Variants in FBXL13 observed in about 807,000 individuals in gnomAD.
FBXL13 encodes the protein F-box and leucine rich repeat protein 13, also known as F-box and leucine-rich repeat protein 13.
In FBXL13, 67 loss-of-function variants were observed where a neutral mutation model predicts 83.6. That is an observed-to-expected ratio of 0.80 (90% CI 0.66 to 0.98). The LOEUF (loss-of-function observed/expected upper bound fraction) is 0.98. FBXL13 is among the 50% of genes least tolerant of loss of function. FBXL13 has a pLI of 0.00. For missense variants in FBXL13, 822 were observed against 866.5 expected (o/e 0.95, Z 0.64); for synonymous variants, 272 against 299.5 (o/e 0.91, Z 0.95).
At chr7:102,945,966 A>G (rs536979665) in intron 8 of FBXL13, among the ~76,000 whole-genome samples, 8 of 151,874 alleles carry the variant, frequency 5.3e-5, no homozygotes, top group Admixed American at 3.9e-4. Flanking sequence ...GCTGCAACCT[A>G]CGCCTTCCGG....
chr7:102,880,757 T>C (rs906506204), intron 14 of FBXL13, among the ~76,000 whole-genome samples: 3 of 152,168 alleles, frequency 2.0e-5, no homozygotes, highest in African/African-American at 7.2e-5. Context: ...CTGAGAAGCT[T>C]TGTGCTAACT....
chr7:102,832,761 C>A, intron 18 of FBXL13, 79 bp downstream of exon 19: 3 of 1,556,022 alleles, frequency 1.9e-6, no homozygotes, highest in South Asian at 2.4e-5. Flanking sequence ...TATTCTGAGT[C>A]CAGCCCTGAT....
rs187769851 is a variant in FBXL13 at position 102,978,020 on chromosome 7, C to A, written c.496-9903G>T. ...TTAAATGACGAATTAATGGGTGCGG[C>A]ACACCAACATGGCACATGTGGCACA... On this transcript the variant is annotated intron_variant, in intron 6 of 19. Transcript: ENST00000313221. 5.3e-5 allele frequency among the ~76,000 whole-genome samples: 8 copies of A among 152,160 alleles called. No homozygotes were observed. In the East Asian group the frequency reaches 1.6e-3, roughly 29 times the overall value.
chr7:103,033,073 A>C (rs1794675066), intron 2 of FBXL13, among the ~76,000 whole-genome samples: 1 of 152,122 alleles, frequency 6.6e-6, no homozygotes, highest in South Asian at 2.1e-4. Context: ...CCCCCCATAC[A>C]CACACACATA....
downstream of FBXL13, among the ~76,000 whole-genome samples, chr7:102,812,902 A>G (rs1797522314): frequency 7.1e-6 from 1 of 141,546 alleles, no homozygotes; most frequent in Admixed American, 7.4e-5. Context: ...GAATGCAGTG[A>G]CGTGATCTAG....
At chr7:102,849,600 C>A (rs902656764) in intron 17 of FBXL13, among the ~76,000 whole-genome samples, 8 of 152,220 alleles carry the variant, frequency 5.3e-5, no homozygotes, top group African/African-American at 1.4e-4. Context: ...CTAAACATCT[C>A]AATTTACTCA....
At chr7:103,073,165 C>G (rs1167560482) in intron 1 of FBXL13, among the ~76,000 whole-genome samples, 2 of 152,200 alleles carry the variant, frequency 1.3e-5, no homozygotes, top group Non-Finnish European at 2.9e-5. Flanking sequence ...CTGTTATTAA[C>G]AGTTTGGCAT....
At chr7:102,856,554 C>T (rs377571934) in intron 16 of FBXL13, among the ~76,000 whole-genome samples, 7 of 152,248 alleles carry the variant, frequency 4.6e-5, no homozygotes, top group Admixed American at 2.6e-4. Flanking sequence ...TATATGCTTA[C>T]TACTTTATTC....
At chr7:103,028,294 C>T (rs1022736603) in intron 4 of FBXL13, among the ~76,000 whole-genome samples, 2 of 152,154 alleles carry the variant, frequency 1.3e-5, no homozygotes, top group African/African-American at 4.8e-5. Flanking sequence ...CCTGTCCATA[C>T]TATTTGGAAC....
Position 102,891,338 on chromosome 7 carries a change from G to C in FBXL13, c.1009-7026C>G, listed in dbSNP as rs562565788. 6.6e-5 allele frequency among the ~76,000 whole-genome samples: 10 copies of C among 152,318 alleles called. No individual in the cohort carries two copies. In the East Asian group the frequency reaches 1.9e-3, roughly 29 times the overall value. ...TAGTCCTCCCTGATCACCTCAGGTA[G>C]ACATGTTTCTAACTCTTACATCTGA... On this transcript the variant is annotated intron_variant, in intron 11 of 19. Transcript: ENST00000313221.
At chr7:102,913,545 G>C (rs1815193943) in intron 10 of FBXL13, among the ~76,000 whole-genome samples, 1 of 152,176 alleles carries the variant, frequency 6.6e-6, no homozygotes, top group South Asian at 2.1e-4. Context: ...TTGTTTGGAA[G>C]TGAAACCAAA....
chr7:103,028,044 G>T (rs1390997289), intron 4 of FBXL13, among the ~76,000 whole-genome samples: 1 of 152,108 alleles, frequency 6.6e-6, no homozygotes. Context: ...TCTCTGGTTT[G>T]CAACAGTCAT....
At chr7:103,011,498 G>T (rs1791616814) in intron 6 of FBXL13, among the ~76,000 whole-genome samples, 1 of 152,210 alleles carries the variant, frequency 6.6e-6, no homozygotes, top group East Asian at 1.9e-4. Context: ...AATTAGCCAG[G>T]TGTGGTGGCA....
intron 6 of FBXL13, among the ~76,000 whole-genome samples, chr7:103,006,298 C>T (rs1460530521): frequency 1.3e-5 from 2 of 152,098 alleles, no homozygotes; most frequent in African/African-American, 2.4e-5. Flanking sequence ...AGTCTTTGAC[C>T]GTATTCTAAG....
At chr7:102,851,567 CTCTCTT>C (rs980425405) in intron 17 of FBXL13, among the ~76,000 whole-genome samples, 17 of 147,392 alleles carry the variant, frequency 1.2e-4, no homozygotes, top group African/African-American at 4.3e-4. Flanking sequence ...CTCTCTCTCT[CTCTCTT>C]TCTCTTTCTT....
At chr7:102,900,749 T>G (rs1014700465) in intron 11 of FBXL13, among the ~76,000 whole-genome samples, 1 of 152,180 alleles carries the variant, frequency 6.6e-6, no homozygotes, top group Non-Finnish European at 1.5e-5. Context: ...GGGCTCAATT[T>G]CAAACTCCAC....
intron 11 of FBXL13, among the ~76,000 whole-genome samples, chr7:102,911,529 G>C (rs980944751): frequency 3.9e-5 from 6 of 152,074 alleles, no homozygotes; most frequent in African/African-American, 7.3e-5. Flanking sequence ...TCAAAGTTAG[G>C]CTTCTACCCA....
At chr7:102,892,028 C>A (rs1157831805) in intron 11 of FBXL13, among the ~76,000 whole-genome samples, 1 of 152,204 alleles carries the variant, frequency 6.6e-6, no homozygotes, top group Admixed American at 6.5e-5. Context: ...CATGCTCACC[C>A]AGGTCCAAGA....
chr7:102,892,461 T>C (rs1181125850), intron 11 of FBXL13, among the ~76,000 whole-genome samples: 4 of 152,228 alleles, frequency 2.6e-5, no homozygotes, highest in Admixed American at 2.0e-4. Context: ...AATGTTTTCA[T>C]AAATTCTACA....
Sources: gnomAD v4.1 joint callset for allele counts (sites outside exome capture counted in the v4.1 genomes callset) on GRCh38, gnomAD v4.1.1 for gene constraint, MANE v1.5 for transcripts, NCBI Gene and HGNC (gene_info 2026-07-23, HGNC 2026-07-21) for gene names.